The following PDE10A variants were observed in gnomAD, a reference collection of about 807,000 sequenced individuals.
PDE10A encodes cAMP and cAMP-inhibited cGMP 3',5'-cyclic phosphodiesterase 10A.
PDE10A carries 39 observed loss-of-function variants against 97.7 expected under a neutral mutation model. That is an observed-to-expected ratio of 0.40 (90% CI 0.31 to 0.52). The LOEUF is 0.52. Ranked by LOEUF, PDE10A falls within the 20% of genes least tolerant of loss-of-function variation. PDE10A has a pLI of 0.56. For synonymous variants in PDE10A, 371 were observed against 376.8 expected, an observed-to-expected ratio of 0.98 and a Z score of 0.18; for missense variants, 731 against 1,047.8, an observed-to-expected ratio of 0.70 and a Z score of 4.17.
chr6:165,376,589 G>A (rs1784617329), intron 18 of PDE10A, among the ~76,000 whole-genome samples: 1 of 152,182 alleles, frequency 6.6e-6, no homozygotes, highest in South Asian at 2.1e-4. Context: ...CCATTGATGT[G>A]ACAGACTTCA....
chr6:165,374,757 T>TTG (rs1292100556), intron 18 of PDE10A, among the ~76,000 whole-genome samples: 2 of 149,602 alleles, frequency 1.3e-5, no homozygotes, highest in African/African-American at 4.9e-5. Context: ...TGTTTTTGGT[T>TTG]TTTTTTTTTT....
chr6:165,931,015 A>G (rs1783117283), intron 1 of PDE10A, among the ~76,000 whole-genome samples: 1 of 152,174 alleles, frequency 6.6e-6, no homozygotes, highest in Admixed American at 6.5e-5. Flanking sequence ...CCTGTTAGGA[A>G]CCTTCTCATG....
At chr6:165,650,964 T>C (rs1479017453) in intron 1 of PDE10A, among the ~76,000 whole-genome samples, 3 of 152,156 alleles carry the variant, frequency 2.0e-5, no homozygotes, top group East Asian at 1.9e-4. Context: ...TCTTGAGCTC[T>C]TGACCTCGTG....
chr6:165,394,115 C>T lies in PDE10A; in HGVS notation c.2303+1066G>A, dbSNP rs532429462. ...TAAGTTCTGGGGTCCACGTGCAGAA[C>T]GTGCAGGTTTGTTACATAGGTATAC... On this transcript the variant is annotated intron_variant, in intron 15 of 21. Coordinates refer to ENST00000539869, the MANE Select transcript of PDE10A (RefSeq NM_001385079.1). Among the ~76,000 whole-genome samples, 14 of 152,064 alleles carry T rather than the reference C, an allele frequency of 9.2e-5. No homozygotes were observed. In the South Asian group the frequency reaches 2.3e-3, roughly 25 times the overall value.
intron 1 of PDE10A, among the ~76,000 whole-genome samples, chr6:165,884,145 C>A (rs1781566765): frequency 6.6e-6 from 1 of 152,114 alleles, no homozygotes; most frequent in Non-Finnish European, 1.5e-5. Flanking sequence ...GCACAGGAAT[C>A]GGGGACCGAA....
chr6:165,334,653 T>G (rs1272304303), intron 21 of PDE10A, among the ~76,000 whole-genome samples: 3 of 152,170 alleles, frequency 2.0e-5, no homozygotes, highest in African/African-American at 7.2e-5. Flanking sequence ...ACCTAATTCC[T>G]TCAAGAATGA....
At chr6:165,543,301 A>G in intron 2 of PDE10A, 139 bp downstream of exon 2, 2 of 535,274 alleles carry the variant, frequency 3.7e-6, no homozygotes, top group Non-Finnish European at 5.9e-6. Flanking sequence ...TTATCTTTTT[A>G]AATGGAATAA....
rs570253337 is a variant in PDE10A at position 165,391,546 on chromosome 6, A to C, written c.2454+1100T>G. The stretch of plus-strand genomic sequence containing the variant: ...AAGTCTCAACAGTATGGGGTTCAAT[A>C]GAAAAGGACTTTGTTAAGACAAACA... On this transcript the variant is annotated intron_variant, in intron 16 of 21. Coordinates refer to ENST00000539869, the MANE Select transcript of PDE10A (RefSeq NM_001385079.1). 3.3e-5 allele frequency among the ~76,000 whole-genome samples: 5 copies of C among 152,350 alleles called. No homozygotes were observed. In the East Asian group the frequency reaches 9.6e-4, roughly 29 times the overall value.
intron 1 of PDE10A, among the ~76,000 whole-genome samples, chr6:165,807,464 C>T (rs535672112): frequency 2.0e-5 from 3 of 152,216 alleles, no homozygotes; most frequent in Admixed American, 1.3e-4. Flanking sequence ...GGATTACAAC[C>T]CGAGCTCCCA....
chr6:165,612,300 G>A (rs1787531226), intron 1 of PDE10A, among the ~76,000 whole-genome samples: 1 of 152,074 alleles, frequency 6.6e-6, no homozygotes. Context: ...GCAAACATCA[G>A]GAATGCTCTG....
rs1787227255 is a variant in PDE10A, at chr6:165,606,721, A to T, written c.865+55226T>A. ...AGGAGAAAGGCTTAGGGTAGGCACA[A>T]AAATTGTAAAAAAGGTCAACAGATA... On this transcript the variant is annotated intron_variant, in intron 1 of 21. Coordinates refer to ENST00000539869, the MANE Select transcript of PDE10A (RefSeq NM_001385079.1). 2.6e-5 allele frequency among the ~76,000 whole-genome samples: 4 copies of T among 152,174 alleles called. No homozygotes were observed. In the South Asian group the frequency reaches 8.3e-4, roughly 32 times the overall value.
intron 1 of PDE10A, among the ~76,000 whole-genome samples, chr6:165,724,034 TA>T (rs1178760376): frequency 6.6e-6 from 1 of 152,172 alleles, no homozygotes; most frequent in African/African-American, 2.4e-5. Context: ...TTCCAGTTAG[TA>T]GCATGCAATC....
intron 1 of PDE10A, among the ~76,000 whole-genome samples, chr6:165,850,140 C>T (rs898913472): frequency 1.1e-4 from 16 of 152,162 alleles, no homozygotes; most frequent in African/African-American, 2.9e-4. Flanking sequence ...TGTGTGAAAC[C>T]GTGCTGATCC....
At chr6:165,350,708 G>T (rs1281111635) in intron 18 of PDE10A, among the ~76,000 whole-genome samples, 2 of 152,150 alleles carry the variant, frequency 1.3e-5, no homozygotes, top group African/African-American at 2.4e-5. Flanking sequence ...GGACCAGGTG[G>T]AGATAATTGA....
intron 2 of PDE10A, among the ~76,000 whole-genome samples, chr6:165,533,598 G>T (rs1162052988): frequency 1.3e-5 from 2 of 151,900 alleles, no homozygotes; most frequent in African/African-American, 4.8e-5. Context: ...TTGCTCATTG[G>T]CATACTAAAT....
chr6:165,901,300 C>T (rs1316912138), intron 1 of PDE10A, among the ~76,000 whole-genome samples: 1 of 152,176 alleles, frequency 6.6e-6, no homozygotes, highest in Non-Finnish European at 1.5e-5. Context: ...CCTGTTATGC[C>T]CAGCTCCACA....
Position 165,383,791 on chromosome 6 carries a change from T to A in PDE10A, c.2611-4425A>T, listed in dbSNP as rs539614245. ...CAAAAAAACAAACAAAACACTAAGA[T>A]GTATGTATGCTTGAGGTGCTCAGGC... On this transcript the variant is annotated intron_variant, in intron 17 of 21. Coordinates refer to ENST00000539869, the MANE Select transcript of PDE10A (RefSeq NM_001385079.1). Among the ~76,000 whole-genome samples the A allele has an allele frequency of 2.6e-5, 4 of 152,196 alleles. No individual in the cohort carries two copies. In the South Asian group the frequency reaches 8.3e-4, roughly 32 times the overall value.
intron 1 of PDE10A, among the ~76,000 whole-genome samples, chr6:165,767,405 C>A (rs1226843927): frequency 6.6e-6 from 1 of 152,166 alleles, no homozygotes; most frequent in African/African-American, 2.4e-5. Flanking sequence ...TCATAACCCG[C>A]AAGGGGAACT....
intron 1 of PDE10A, among the ~76,000 whole-genome samples, chr6:165,590,130 A>T (rs1388682382): frequency 1.3e-5 from 2 of 152,220 alleles, no homozygotes; most frequent in African/African-American, 4.8e-5. Context: ...ACATTTCAGG[A>T]GTGTTTATGA....
Sources: allele counts gnomAD v4.1 joint callset (sites outside exome capture counted in the v4.1 genomes callset), GRCh38; gene constraint gnomAD v4.1.1; transcripts MANE v1.5; gene names NCBI Gene and HGNC (gene_info 2026-07-23, HGNC 2026-07-21).